NBL1: variants seen among roughly 807,000 people sequenced by gnomAD.
NBL1 encodes NBL1, DAN family BMP antagonist.
In NBL1, 9 loss-of-function variants were observed where a neutral mutation model predicts 16.0. The observed-to-expected ratio is 0.56, with a 90% CI of 0.34 to 0.98. The LOEUF (loss-of-function observed/expected upper bound fraction) is 0.98, where lower values mean the gene tolerates loss of function less well. Among genes scored for constraint, NBL1 ranks in the 50% least tolerant of loss-of-function variants. The pLI is 0.02. For synonymous variants in NBL1, 86 were observed against 100.7 expected, an observed-to-expected ratio of 0.85 and a Z score of 0.87; for missense variants, 196 against 243.1, an observed-to-expected ratio of 0.81 and a Z score of 1.29.
At chr1:19,646,693 G>A (rs2094982465) in intron 1 of NBL1, among the ~76,000 whole-genome samples, 1 of 152,190 alleles carries the variant, frequency 6.6e-6, no homozygotes, top group Admixed American at 6.5e-5. Context: ...CCTGGCAGTG[G>A]GGCACAGCCT....
chr1:19,650,452 C>T (rs890359632), intron 1 of NBL1, among the ~76,000 whole-genome samples: 1 of 152,330 alleles, frequency 6.6e-6, no homozygotes, highest in South Asian at 2.1e-4. Flanking sequence ...CCCCAGCTCC[C>T]TGCCCTCACC....
chr1:19,655,778 C>T (rs914142050), intron 3 of NBL1, among the ~76,000 whole-genome samples: 11 of 152,230 alleles, frequency 7.2e-5, no homozygotes, highest in African/African-American at 2.4e-4. Flanking sequence ...AGTGGCCTTT[C>T]CAGCCTCCTC....
intron 1 of NBL1, among the ~76,000 whole-genome samples, chr1:19,649,112 T>C (rs2095005386): frequency 6.6e-6 from 1 of 152,072 alleles, no homozygotes; most frequent in African/African-American, 2.4e-5. Flanking sequence ...GGTGAACCTT[T>C]TGACCTGCAA....
intron 1 of NBL1, among the ~76,000 whole-genome samples, chr1:19,652,462 G>A (rs1186320675): frequency 2.0e-5 from 1 of 50,820 alleles, no homozygotes; most frequent in East Asian, 2.4e-4. Context: ...GGGAGGCGGC[G>A]GGGGGGCAGC....
chr1:19,643,785 C>T (rs2094961043), upstream of NBL1: 11 of 1,009,594 alleles, frequency 1.1e-5, no homozygotes, highest in South Asian at 4.1e-4. This position sits in a 1 kb window ranked among gnomAD's most constrained non-coding sequence, Gnocchi z 4.7. Context: ...GGTCGCATGC[C>T]GGAGCGGACG....
upstream of NBL1, chr1:19,643,320 C>A (rs1558357633): frequency 6.2e-7 from 1 of 1,613,944 alleles, no homozygotes; most frequent in Non-Finnish European, 8.5e-7. This position sits in a 1 kb window ranked among gnomAD's most constrained non-coding sequence, Gnocchi z 4.7. Context: ...GGATGCCCGG[C>A]AACCTCATGA....
intron 1 of NBL1, among the ~76,000 whole-genome samples, chr1:19,653,705 T>C (rs1365763503): frequency 6.6e-6 from 1 of 152,256 alleles, no homozygotes; most frequent in Non-Finnish European, 1.5e-5. Flanking sequence ...CTTTCTCGGC[T>C]GTGCCGTCCT....
Position 19,657,642 on chromosome 1 carries a change from C to T in NBL1, c.*513C>T, listed in dbSNP as rs4912135. 1,120 of 152,988 alleles carry T rather than the reference C, an allele frequency of 7.3e-3. 10 individuals carry two copies. The highest frequency in any genetic ancestry group is 0.011 in the Non-Finnish European group (720 of 68,282). 9.5% of individuals were successfully genotyped at this position (152,988 alleles called of 1,614,324 possible). ...TTCCCCAAGGCCTCTCACCCCACTT[C>T]CCATCTCCAGGGAAGCGTCGCCCCA... On this transcript the variant is annotated 3_prime_UTR_variant, in exon 4 of 4. Transcript: ENST00000375136.
upstream of NBL1, chr1:19,644,155 G>T (rs1418403338): frequency 1.4e-5 from 14 of 979,826 alleles, no homozygotes; most frequent in Non-Finnish European, 1.6e-5. The surrounding 1 kb of genome is among the most constrained non-coding windows in gnomAD (Gnocchi z 4.6). Flanking sequence ...TGCCGCCGCG[G>T]CGCCCCCTCC....
intron 1 of NBL1, among the ~76,000 whole-genome samples, chr1:19,645,060 C>T (rs1382636226): frequency 6.6e-6 from 1 of 152,180 alleles, no homozygotes; most frequent in Non-Finnish European, 1.5e-5. Flanking sequence ...GGGGTCTCGC[C>T]CTGTGTCTGC....
rs1039325989 is a variant in NBL1, at chr1:19,644,849, T to C, written c.-20+403T>C. Among the ~76,000 whole-genome samples, 2 of 152,002 alleles carry C rather than the reference T, an allele frequency of 1.3e-5. No individual in the cohort carries two copies. Among genetic ancestry groups the C allele is most frequent in the South Asian group, 2.1e-4 (1 of 4,832 alleles). ...GCGCCGCGCCTCTCGGCTCTGGACG[T>C]TTCCGCCTCCCGCGGCCCCCTCTGC... On this transcript the variant is annotated intron_variant, in intron 1 of 3. Coordinates refer to ENST00000375136, the MANE Select transcript of NBL1 (RefSeq NM_005380.8). The surrounding 1 kb of genome is among the most constrained non-coding windows in gnomAD (Gnocchi z 4.6).
At position 19,658,042 on chromosome 1, in the gene NBL1, TA is replaced by T. The variant is rs1490971436; in HGVS notation, c.*914del. The T allele has an allele frequency of 6.6e-6, 1 of 152,622 alleles. No homozygotes were observed. Among genetic ancestry groups the T allele is most frequent in the African/African-American group, 2.4e-5 (1 of 41,424 alleles). The allele number at this position is 152,622 out of a possible 1,614,324, so 9.5% of individuals were successfully genotyped here. ...TCGGATGGGTGTGGGAGTGAGGGGTTACCTCCCTCGCCCCAAGGTTCCAGAG... is the reference window on the plus strand; with the variant it reads ...TCGGATGGGTGTGGGAGTGAGGGGTTCCTCCCTCGCCCCAAGGTTCCAGAG... On this transcript the variant is annotated 3_prime_UTR_variant, in exon 4 of 4. Transcript: ENST00000375136.
chr1:19,645,903 G>A, intron 1 of NBL1: 1 of 1,547,820 alleles, frequency 6.5e-7, no homozygotes, highest in Non-Finnish European at 8.7e-7. Flanking sequence ...GGCTGCCGGA[G>A]CGGGCAGGGT....
At chr1:19,647,869 G>T (rs1042139138) in intron 1 of NBL1, among the ~76,000 whole-genome samples, 1 of 142,448 alleles carries the variant, frequency 7.0e-6, no homozygotes, top group African/African-American at 2.9e-5. Flanking sequence ...GTGTGTGCGT[G>T]TGTGTGTGTG....
chr1:19,645,875 A>G, intron 1 of NBL1: 1 of 1,534,292 alleles, frequency 6.5e-7, no homozygotes, highest in East Asian at 2.5e-5. Context: ...CCCCCCACCC[A>G]CAACCTCAAG....
At chr1:19,652,305 C>G (rs568678433) in intron 1 of NBL1, among the ~76,000 whole-genome samples, 2 of 152,332 alleles carry the variant, frequency 1.3e-5, no homozygotes, top group African/African-American at 4.8e-5. Flanking sequence ...CGCCTGCATG[C>G]CAGGCTTGTT....
At chr1:19,654,880 G>A (rs2095047201) in intron 1 of NBL1, 132 bp from the exon 2 acceptor site, 1 of 1,201,984 alleles carries the variant, frequency 8.3e-7, no homozygotes, top group South Asian at 1.7e-5. Context: ...CTTGTCCAAA[G>A]TTGCACTTGG....
chr1:19,656,896 G>A lies in NBL1; in HGVS notation c.313G>A (p.Val105Met), dbSNP rs202183847. 102 of 1,612,800 alleles carry A rather than the reference G, an allele frequency of 6.3e-5. No homozygotes were observed. The East Asian group carries it at 2.1e-3, about 32-fold the overall frequency. The change falls in exon 4 of 4, where the codon GTG (valine) becomes ATG (methionine). Residue 105 changes from valine (V) to methionine (M), a missense_variant. Physicochemically the swap from Val to Met is conservative, Grantham distance 21. Transcript: ENST00000375136. ...GCTGGAGTGCCCGGGCCACGAGGAG[G>A]TGCCCAGGGTGGACAAGCTGGTGGA... ...VTLECPGHEE[V>M]PRVDKLVEKI...
At chr1:19,652,463 G>GT (rs200087124) in intron 1 of NBL1, among the ~76,000 whole-genome samples, 2 of 152,030 alleles carry the variant, frequency 1.3e-5, no homozygotes, top group African/African-American at 2.4e-5. Context: ...GGAGGCGGCG[G>GT]GGGGGCAGCC....
Sources: allele counts gnomAD v4.1 joint callset (sites outside exome capture counted in the v4.1 genomes callset), GRCh38; gene constraint gnomAD v4.1.1; non-coding constraint Gnocchi (gnomAD v3.1); transcripts MANE v1.5; gene names NCBI Gene and HGNC (gene_info 2026-07-23, HGNC 2026-07-21).